The following EZH2 variants were observed in gnomAD, a reference collection of about 807,000 sequenced individuals.
The protein encoded by EZH2 is enhancer of zeste 2 polycomb repressive complex 2 subunit, also known as histone-lysine N-methyltransferase EZH2.
In EZH2, 18 loss-of-function variants were observed where a neutral mutation model predicts 98.4. The observed-to-expected ratio is 0.18, with a 90% CI of 0.13 to 0.27. The LOEUF (loss-of-function observed/expected upper bound fraction) is 0.27. Among genes scored for constraint, EZH2 ranks in the 10% least tolerant of loss-of-function variants. The pLI is 1.00. For synonymous variants in EZH2, 338 were observed against 312.3 expected (o/e 1.08, Z -0.87); for missense variants, 470 against 935.1 (o/e 0.50, Z 6.49).
chr7:148,844,127 G>C (rs148729459), intron 3 of EZH2, among the ~76,000 whole-genome samples: 3 of 152,314 alleles, frequency 2.0e-5, no homozygotes, highest in Non-Finnish European at 2.9e-5. Flanking sequence ...CACTAGGAAA[G>C]TCTTTGCCAA....
At chr7:148,831,509 C>T (rs1454467282) in intron 4 of EZH2, among the ~76,000 whole-genome samples, 1 of 152,214 alleles carries the variant, frequency 6.6e-6, no homozygotes, top group African/African-American at 2.4e-5. Context: ...CAAAATCAGA[C>T]AGGGTCTGGC....
intron 1 of EZH2, chr7:148,883,644 C>G (rs1437014376): frequency 6.6e-6 from 1 of 150,666 alleles, no homozygotes; most frequent in African/African-American, 2.4e-5. Context: ...CCGGCGGGCC[C>G]GGGTGTCATG....
chr7:148,841,723 G>A (rs1480960436), intron 3 of EZH2, among the ~76,000 whole-genome samples: 1 of 152,048 alleles, frequency 6.6e-6, no homozygotes, highest in Non-Finnish European at 1.5e-5. Context: ...TGTAAACAGT[G>A]ACTAAATTTT....
At position 148,818,877 on chromosome 7, in the gene EZH2, G is replaced by T. The variant is rs1344855557; in HGVS notation, c.999+719C>A. 8 of 354,930 alleles carry T rather than the reference G, an allele frequency of 2.3e-5. No individual in the cohort carries two copies. In the East Asian group the frequency reaches 5.2e-4, roughly 23 times the overall value. 22.0% of individuals were successfully genotyped at this position (354,930 alleles called of 1,614,324 possible). ...AGAATATTATAAAACAAGTGCTCAAGAATTCCATTTTTTTAGTGGAAATAG... is the reference window on the plus strand; with the variant it reads ...AGAATATTATAAAACAAGTGCTCAATAATTCCATTTTTTTAGTGGAAATAG... On this transcript the variant is annotated intron_variant, in intron 9 of 19. Coordinates refer to ENST00000320356, the MANE Select transcript of EZH2 (RefSeq NM_004456.5).
At chr7:148,831,910 A>G (rs1447838710) in intron 4 of EZH2, among the ~76,000 whole-genome samples, 5 of 152,352 alleles carry the variant, frequency 3.3e-5, no homozygotes, top group Non-Finnish European at 7.3e-5. Context: ...CAGAGTTAGC[A>G]ATGGAACTAT....
intron 1 of EZH2, among the ~76,000 whole-genome samples, chr7:148,848,904 C>G (rs73158270): frequency 0.064 from 9,755 of 152,080 alleles, 417 homozygotes; most frequent in East Asian, 0.17. Context: ...TGCATATCAC[C>G]TATGCATAGC....
At chr7:148,850,888 A>G (rs1405531792) in intron 1 of EZH2, among the ~76,000 whole-genome samples, 1 of 152,200 alleles carries the variant, frequency 6.6e-6, no homozygotes, top group Non-Finnish European at 1.5e-5. Flanking sequence ...GACTGACAGC[A>G]ATAACTAATG....
At chr7:148,864,572 T>C (rs1471064889) in intron 1 of EZH2, among the ~76,000 whole-genome samples, 2 of 151,144 alleles carry the variant, frequency 1.3e-5, no homozygotes, top group African/African-American at 4.9e-5. Flanking sequence ...TCCAAGATAC[T>C]CTGGAGGCTG....
At chr7:148,810,440 T>G in intron 16 of EZH2, 26 bp from the exon 17 acceptor site, 1 of 1,535,302 alleles carries the variant, frequency 6.5e-7, no homozygotes. Context: ...CAGGAGAAAA[T>G]TCTTTTGGAT....
chr7:148,854,406 A>G (rs922141600), intron 1 of EZH2, among the ~76,000 whole-genome samples: 2 of 151,260 alleles, frequency 1.3e-5, no homozygotes. Context: ...ACTGCATTCC[A>G]GCCTGGGCGA....
intron 1 of EZH2, 45 bp from the exon 2 acceptor site, chr7:148,847,350 T>C: frequency 6.2e-7 from 1 of 1,606,236 alleles, no homozygotes; most frequent in Non-Finnish European, 8.5e-7. Flanking sequence ...CTAACCAGCC[T>C]GAATATGATC....
intron 11 of EZH2, 75 bp from the exon 12 acceptor site, chr7:148,816,853 A>G (rs558666392): frequency 2.8e-6 from 3 of 1,053,304 alleles, no homozygotes; most frequent in Non-Finnish European, 4.5e-6. Flanking sequence ...CATGCATACC[A>G]GAAAAATGTC....
chr7:148,881,933 C>CA (rs11412628), intron 1 of EZH2, among the ~76,000 whole-genome samples: 23,542 of 121,974 alleles, frequency 0.19, 2,155 homozygotes, highest in East Asian at 0.28. Flanking sequence ...GGCTCTGTCT[C>CA]AAAAAAAAAA....
intron 8 of EZH2, among the ~76,000 whole-genome samples, chr7:148,820,712 CTGTTTA>C (rs762666029): frequency 1.4e-4 from 21 of 152,110 alleles, no homozygotes; most frequent in Admixed American, 3.9e-4. Context: ...AACTGTTTTT[CTGTTTA>C]TGAGTTAAAC....
intron 3 of EZH2, among the ~76,000 whole-genome samples, chr7:148,839,597 T>C (rs1811908008): frequency 6.6e-6 from 1 of 152,036 alleles, no homozygotes; most frequent in African/African-American, 2.4e-5. Context: ...TTTTTTGAGA[T>C]TGAGTCTTGT....
intron 10 of EZH2, chr7:148,817,670 A>G (rs571349253): frequency 8.1e-6 from 6 of 743,250 alleles, no homozygotes; most frequent in Non-Finnish European, 1.3e-5. Flanking sequence ...ATCAGCTTTC[A>G]AACAACCAAG....
intron 1 of EZH2, among the ~76,000 whole-genome samples, chr7:148,869,338 C>CTTTTTTTTTT (rs143589780): frequency 1.2e-5 from 1 of 80,290 alleles, no homozygotes; most frequent in African/African-American, 4.8e-5. Flanking sequence ...CAGCAATAGC[C>CTTTTTTTTTT]TTTTTTTTTT....
chr7:148,854,556 T>C (rs762485713), intron 1 of EZH2, among the ~76,000 whole-genome samples: 1 of 152,222 alleles, frequency 6.6e-6, no homozygotes, highest in African/African-American at 2.4e-5. Flanking sequence ...ATAAACTACA[T>C]GTACTATTTA....
intron 1 of EZH2, 60 bp from the exon 2 acceptor site, chr7:148,847,365 G>T (rs1427976063): frequency 1.3e-5 from 21 of 1,591,126 alleles, no homozygotes; most frequent in Middle Eastern, 1.7e-4. Context: ...ATGATCACCT[G>T]TGTTTTAATC....
Sources: gnomAD v4.1 joint callset for allele counts (sites outside exome capture counted in the v4.1 genomes callset) on GRCh38, gnomAD v4.1.1 for gene constraint, MANE v1.5 for transcripts, NCBI Gene and HGNC (gene_info 2026-07-23, HGNC 2026-07-21) for gene names.